The following LYAR variants were observed in gnomAD, a reference collection of about 807,000 sequenced individuals.
LYAR encodes Ly1 antibody reactive.
Under a neutral mutation model 45.2 loss-of-function variants are expected in LYAR, and 37 were observed. The observed-to-expected ratio is 0.82, with a 90% confidence interval of 0.63 to 1.08. LYAR has a LOEUF of 1.08. LYAR is among the 50% of genes least tolerant of loss of function. LYAR has a pLI of 0.00. For missense variants in LYAR, 493 were observed against 451.0 expected (o/e 1.09, Z -0.84); for synonymous variants, 176 against 155.1 (o/e 1.14, Z -1.00).
chr4:4,279,600 T>G (rs769169375), intron 5 of LYAR, 42 bp downstream of exon 5: 1 of 1,566,264 alleles, frequency 6.4e-7, no homozygotes, highest in Non-Finnish European at 8.8e-7. Flanking sequence ...CAGTCACTGA[T>G]GGGCCACACG....
chr4:4,280,129 A>G (rs1229380697), intron 4 of LYAR, among the ~76,000 whole-genome samples: 4 of 152,256 alleles, frequency 2.6e-5, no homozygotes, highest in African/African-American at 9.6e-5. Context: ...TGCATTTTAT[A>G]TAACAACCAG....
intron 1 of LYAR, among the ~76,000 whole-genome samples, chr4:4,288,738 G>A (rs1451814116): frequency 2.0e-5 from 3 of 152,116 alleles, no homozygotes; most frequent in Non-Finnish European, 4.4e-5. Flanking sequence ...CACCCTCCTC[G>A]GCCTCCCAAA....
At chr4:4,283,078 C>T (rs1719466340) in intron 3 of LYAR, among the ~76,000 whole-genome samples, 1 of 152,204 alleles carries the variant, frequency 6.6e-6, no homozygotes, top group African/African-American at 2.4e-5. Flanking sequence ...ACTGAACACT[C>T]TAATCATCAT....
chr4:4,273,872 G>C (rs765438403), intron 7 of LYAR, among the ~76,000 whole-genome samples: 11 of 152,222 alleles, frequency 7.2e-5, no homozygotes, highest in Non-Finnish European at 1.2e-4. Flanking sequence ...TGAGAAGTGA[G>C]GTCATTTGCC....
At chr4:4,286,612 A>G (rs1719622785) in intron 1 of LYAR, 40 bp from the exon 2 acceptor site, 1 of 152,024 alleles carries the variant, frequency 6.6e-6, no homozygotes, top group Admixed American at 6.6e-5. Context: ...CAAATTCCAC[A>G]AGACTAGATA....
intron 4 of LYAR, among the ~76,000 whole-genome samples, chr4:4,281,056 T>C (rs1321313685): frequency 6.6e-6 from 1 of 152,194 alleles, no homozygotes; most frequent in Non-Finnish European, 1.5e-5. Context: ...CTGTTTTAGT[T>C]AAGTAGAAAA....
Position 4,276,625 on chromosome 4 carries a change from G to A in LYAR, c.430-1856C>T, listed in dbSNP as rs894109393. On this transcript the variant is annotated intron_variant, in intron 6 of 9. Coordinates refer to ENST00000343470, the MANE Select transcript of LYAR (RefSeq NM_017816.3). ...TAATCCCAGCACTTTGGGAGGCCGA[G>A]GTAGGGAGATCACCTGAGGTCAGGA... Among the ~76,000 whole-genome samples the A allele has an allele frequency of 2.0e-5, 3 of 152,044 alleles. No homozygotes were observed. The East Asian group carries it at 5.8e-4, about 29-fold the overall frequency.
At chr4:4,283,351 A>G (rs1280422553) in intron 3 of LYAR, among the ~76,000 whole-genome samples, 1 of 152,076 alleles carries the variant, frequency 6.6e-6, no homozygotes, top group African/African-American at 2.4e-5. Context: ...GGGTTTCACT[A>G]TGTTGGCCAG....
chr4:4,272,573 C>T (rs1327893097), intron 8 of LYAR, among the ~76,000 whole-genome samples: 2 of 152,220 alleles, frequency 1.3e-5, no homozygotes, highest in Admixed American at 1.3e-4. Context: ...TGTGGTCTCT[C>T]TGTGTCTCTC....
Position 4,283,057 on chromosome 4 carries a change from G to A in LYAR, c.122+564C>T, listed in dbSNP as rs776599491. Among the ~76,000 whole-genome samples the A allele has an allele frequency of 1.2e-4, 18 of 152,284 alleles. 1 individual carries two copies. The Middle Eastern group carries it at 0.01, about 86-fold the overall frequency. On this transcript the variant is annotated intron_variant, in intron 3 of 9. Coordinates refer to ENST00000343470, the MANE Select transcript of LYAR (RefSeq NM_017816.3). ...CAGTGGCAATGCAATAGCAACCAGTGTCACCAACTGACTGAACACTCTAAT... is the reference window on the plus strand; with the variant it reads ...CAGTGGCAATGCAATAGCAACCAGTATCACCAACTGACTGAACACTCTAAT...
intron 8 of LYAR, among the ~76,000 whole-genome samples, chr4:4,271,450 T>C (rs571180526): frequency 6.6e-6 from 1 of 152,344 alleles, no homozygotes; most frequent in South Asian, 2.1e-4. Context: ...ATCTTGGTTA[T>C]TGTAAATAGT....
chr4:4,279,093 C>T (rs1426323902), intron 6 of LYAR, among the ~76,000 whole-genome samples: 4 of 151,990 alleles, frequency 2.6e-5, no homozygotes, highest in African/African-American at 9.7e-5. Context: ...GGGAGGCCAA[C>T]GCAGGCAGGT....
At position 4,276,587 on chromosome 4, in the gene LYAR, T is replaced by C. The variant is rs549518646; in HGVS notation, c.430-1818A>G. ...AACGGATACTGTAGGCCGGGTGCGG[T>C]GGCTCATGCTTGTAATCCCAGCACT... On this transcript the variant is annotated intron_variant, in intron 6 of 9. Transcript: ENST00000343470. 2.7e-5 allele frequency among the ~76,000 whole-genome samples: 4 copies of C among 146,940 alleles called. No individual in the cohort carries two copies. In the South Asian group the frequency reaches 8.6e-4, roughly 32 times the overall value.
chr4:4,282,796 T>C (rs550193455), intron 3 of LYAR, among the ~76,000 whole-genome samples: 2 of 152,316 alleles, frequency 1.3e-5, no homozygotes, highest in Admixed American at 6.5e-5. Context: ...AAGTGTCTCC[T>C]GACACACCCG....
At chr4:4,273,985 C>G (rs1309293155) in intron 7 of LYAR, among the ~76,000 whole-genome samples, 1 of 152,182 alleles carries the variant, frequency 6.6e-6, no homozygotes, top group Non-Finnish European at 1.5e-5. Context: ...GCCTGTAACC[C>G]CAGCACTTTG....
Position 4,279,535 on chromosome 4 carries a change from A to G in LYAR, c.346-5T>C, listed in dbSNP as rs1210110963. ...TAAACTGTTCTTCATCCAATTCTGTAAGAAAGAAAAAGAAAAAGAACTATT... is the reference window on the plus strand; with the variant it reads ...TAAACTGTTCTTCATCCAATTCTGTGAGAAAGAAAAAGAAAAAGAACTATT... On this transcript the variant is annotated splice_region_variant and splice_polypyrimidine_tract_variant and intron_variant, in intron 5 of 9. Coordinates refer to ENST00000343470, the MANE Select transcript of LYAR (RefSeq NM_017816.3). The G allele has an allele frequency of 3.1e-6, 5 of 1,599,852 alleles. No individual in the cohort carries two copies. Among genetic ancestry groups the G allele is most frequent in the Non-Finnish European group, 4.3e-6 (5 of 1,167,388 alleles).
intron 6 of LYAR, among the ~76,000 whole-genome samples, chr4:4,279,152 C>A (rs1397871406): frequency 7.0e-6 from 1 of 142,474 alleles, no homozygotes; most frequent in Non-Finnish European, 1.5e-5. Flanking sequence ...TGGTGAAACT[C>A]TGTCTCTGCT....
intron 6 of LYAR, among the ~76,000 whole-genome samples, chr4:4,277,020 C>A (rs1216594475): frequency 6.6e-6 from 1 of 152,128 alleles, no homozygotes; most frequent in Admixed American, 6.6e-5. Flanking sequence ...TCCTACAATT[C>A]TGTCGATATC....
At chr4:4,281,415 C>G (rs13117322) in intron 4 of LYAR, among the ~76,000 whole-genome samples, 47,994 of 151,084 alleles carry the variant, frequency 0.32, 7,943 homozygotes, top group East Asian at 0.55. Context: ...TGCCTCCTGG[C>G]TTCAAGCGAT....
Sources: allele counts gnomAD v4.1 joint callset (sites outside exome capture counted in the v4.1 genomes callset), GRCh38; gene constraint gnomAD v4.1.1; transcripts MANE v1.5; gene names NCBI Gene and HGNC (gene_info 2026-07-23, HGNC 2026-07-21).